Variants in AHCY observed in about 807,000 individuals in gnomAD.
AHCY encodes adenosylhomocysteinase.
AHCY carries 24 observed loss-of-function variants against 45.4 expected under a neutral mutation model. The observed-to-expected ratio is 0.53, with a 90% CI of 0.38 to 0.74. The LOEUF is 0.74. Among genes scored for constraint, AHCY ranks in the 30% least tolerant of loss-of-function variants. The pLI is 0.00. For synonymous variants in AHCY, 245 were observed against 235.1 expected (o/e 1.04, Z -0.39); for missense variants, 449 against 594.1 (o/e 0.76, Z 2.54).
intron 1 of AHCY, 28 bp from the exon 2 acceptor site, chr20:34,295,613 G>T (rs190341860): frequency 3.1e-6 from 5 of 1,609,538 alleles, no homozygotes; most frequent in Non-Finnish European, 4.2e-6. Context: ...TGGGAGTTCC[G>T]TGAGTCCCCT....
At chr20:34,292,310 C>T in intron 4 of AHCY, 48 bp downstream of exon 4, 3 of 1,598,210 alleles carry the variant, frequency 1.9e-6, no homozygotes, top group South Asian at 1.1e-5. Flanking sequence ...GGCAAACAGG[C>T]CCCACCCAGG....
At chr20:34,278,124 A>G (rs1358644150), downstream of AHCY, among the ~76,000 whole-genome samples, 1 of 152,172 alleles carries the variant, frequency 6.6e-6, no homozygotes, top group Non-Finnish European at 1.5e-5. Flanking sequence ...ATCATCTTTC[A>G]TTGTGGGTAC....
At chr20:34,268,699 A>T in the AHCY span, among the ~76,000 whole-genome samples, 1 of 151,944 alleles carries the variant, frequency 6.6e-6, no homozygotes, top group Non-Finnish European at 1.5e-5. Context: ...GCGCCACTGC[A>T]GTCCAGCCTG....
the AHCY span, chr20:34,260,684 T>G: frequency 1.1e-6 from 1 of 946,360 alleles, no homozygotes; most frequent in South Asian, 2.1e-5. Flanking sequence ...AGGTGGCCCT[T>G]GACTCATTTG....
At chr20:34,281,466 C>G (rs2035999200) in intron 9 of AHCY, among the ~76,000 whole-genome samples, 1 of 152,330 alleles carries the variant, frequency 6.6e-6, no homozygotes, top group South Asian at 2.1e-4. Flanking sequence ...TGGAATTGAT[C>G]TATGCACAGG....
the AHCY span, among the ~76,000 whole-genome samples, chr20:34,237,651 T>A: frequency 6.6e-6 from 1 of 152,212 alleles, no homozygotes; most frequent in Admixed American, 6.5e-5. Context: ...TTTCTTTTCC[T>A]TGCCTAATTG....
the AHCY span, among the ~76,000 whole-genome samples, chr20:34,237,485 G>A: frequency 2.6e-5 from 4 of 152,148 alleles, no homozygotes; most frequent in Non-Finnish European, 5.9e-5. Context: ...ATATAGAAAT[G>A]TAACTGATAT....
intron 1 of AHCY, 151 bp from the exon 2 acceptor site, chr20:34,295,736 T>C (rs2036558956): frequency 6.0e-6 from 5 of 835,804 alleles, no homozygotes; most frequent in Non-Finnish European, 9.8e-6. Flanking sequence ...GCAACAAGTA[T>C]TTATGAAGCC....
chr20:34,300,285 C>T (rs957238100), intron 1 of AHCY, among the ~76,000 whole-genome samples: 3 of 152,228 alleles, frequency 2.0e-5, no homozygotes, highest in African/African-American at 4.8e-5. Context: ...CTCCCCACAG[C>T]AGCCAGAAGA....
rs564069072 is a variant in AHCY, at chr20:34,302,154, C to T, written c.28+1089G>A. On this transcript the variant is annotated intron_variant, in intron 1 of 9. Coordinates refer to ENST00000217426, the MANE Select transcript of AHCY (RefSeq NM_000687.4). ...TAGCTGGGAATGAAGGCGCCCGCCACCACGCCCAGCTAGTTTTTGTATTTT... is the reference window on the plus strand; with the variant it reads ...TAGCTGGGAATGAAGGCGCCCGCCATCACGCCCAGCTAGTTTTTGTATTTT... Among the ~76,000 whole-genome samples the T allele has an allele frequency of 3.0e-4, 45 of 152,184 alleles. 1 individual carries two copies. The South Asian group carries it at 9.1e-3, about 31-fold the overall frequency.
the AHCY span, among the ~76,000 whole-genome samples, chr20:34,240,168 A>C: frequency 1.3e-5 from 2 of 152,222 alleles, no homozygotes; most frequent in Non-Finnish European, 2.9e-5. Context: ...GAGAAAAAAG[A>C]AGCATTTGGG....
At chr20:34,256,506 G>A in the AHCY span, among the ~76,000 whole-genome samples, 8 of 152,108 alleles carry the variant, frequency 5.3e-5, no homozygotes, top group Non-Finnish European at 1.0e-4. Context: ...GTCTCTCTAT[G>A]TTGCCAGGCT....
At chr20:34,246,097 G>T in the AHCY span, 1 of 892,546 alleles carries the variant, frequency 1.1e-6, no homozygotes, top group South Asian at 1.4e-5. Flanking sequence ...GAGAATTTTT[G>T]AGCAAAAATC....
the AHCY span, among the ~76,000 whole-genome samples, chr20:34,253,701 C>A: frequency 6.6e-6 from 1 of 151,884 alleles, no homozygotes; most frequent in Non-Finnish European, 1.5e-5. Context: ...AAACTCCTGG[C>A]CTCAAGTGAT....
chr20:34,267,398 G>A, the AHCY span, among the ~76,000 whole-genome samples: 6 of 147,466 alleles, frequency 4.1e-5, no homozygotes, highest in African/African-American at 5.1e-5. Context: ...GAGGCCAGGC[G>A]CGGTGGCTCA....
chr20:34,290,863 C>T lies in AHCY; in HGVS notation c.634G>A (p.Ala212Thr). ...GIKRATDVMI[A>T]GKVAVVAGYG... ...CCTGCTACCACCGCTACCTTGCCGG[C>T]AATCATCACATCTGTGGCCCGCTTG... The change falls in exon 6 of 10, where the codon GCC becomes ACC. Residue 212 changes from alanine (A) to threonine (T), a missense_variant. Transcript: ENST00000217426. This position sits in a 1 kb window ranked among gnomAD's most constrained non-coding sequence, Gnocchi z 4.5. 2 of 1,614,192 alleles carry T rather than the reference C, an allele frequency of 1.2e-6. No individual in the cohort carries two copies. Among genetic ancestry groups the T allele is most frequent in the Non-Finnish European group, 1.7e-6 (2 of 1,180,040 alleles).
At chr20:34,291,631 C>A in intron 4 of AHCY, 100 bp from the exon 5 acceptor site, 1 of 1,116,840 alleles carries the variant, frequency 9.0e-7, no homozygotes, top group South Asian at 1.3e-5. Flanking sequence ...TTCTGGGTTC[C>A]CATCTCTGTG....
At chr20:34,291,326 C>A (rs370140782) in intron 5 of AHCY, 93 bp downstream of exon 5, 2 of 1,199,296 alleles carry the variant, frequency 1.7e-6, no homozygotes. Flanking sequence ...GGCTTCATGT[C>A]CCTAATCTCA....
At chr20:34,234,230 G>C in the AHCY span, among the ~76,000 whole-genome samples, 1 of 152,166 alleles carries the variant, frequency 6.6e-6, no homozygotes, top group Non-Finnish European at 1.5e-5. Context: ...GCTACAATTT[G>C]TTTCCAGGGC....
Sources: gnomAD v4.1 joint callset for allele counts (sites outside exome capture counted in the v4.1 genomes callset) on GRCh38, gnomAD v4.1.1 for gene constraint, Gnocchi (gnomAD v3.1) non-coding constraint, MANE v1.5 for transcripts, NCBI Gene and HGNC (gene_info 2026-07-23, HGNC 2026-07-21) for gene names.